EXT2: variants seen among roughly 807,000 people sequenced by gnomAD.
EXT2 encodes exostosin glycosyltransferase 2, also known as exostosin-2.
In EXT2, 53 loss-of-function variants were observed where a neutral mutation model predicts 81.6. That is an observed-to-expected ratio of 0.65 (90% CI 0.52 to 0.82). The LOEUF is 0.82. EXT2 is among the 40% of genes least tolerant of loss of function. EXT2 has a pLI of 0.00. For missense variants in EXT2, 774 were observed against 910.2 expected, an observed-to-expected ratio of 0.85 and a Z score of 1.93; for synonymous variants, 320 against 340.0, an observed-to-expected ratio of 0.94 and a Z score of 0.65.
At chr11:44,215,059 C>T (rs1181533188) in intron 10 of EXT2, among the ~76,000 whole-genome samples, 1 of 152,084 alleles carries the variant, frequency 6.6e-6, no homozygotes, top group Non-Finnish European at 1.5e-5. Context: ...CTGCACCTGG[C>T]CTCAACTTTT....
chr11:44,196,351 C>T (rs910057203), intron 8 of EXT2, among the ~76,000 whole-genome samples: 3 of 152,010 alleles, frequency 2.0e-5, no homozygotes, highest in Non-Finnish European at 2.9e-5. Flanking sequence ...TCTGTTAATC[C>T]TTTGCAATCT....
intron 10 of EXT2, among the ~76,000 whole-genome samples, chr11:44,230,676 C>T (rs956392593): frequency 2.0e-5 from 3 of 152,124 alleles, no homozygotes; most frequent in African/African-American, 7.2e-5. Flanking sequence ...AGCCAGCTAC[C>T]AGAAGCTAGG....
chr11:44,185,107 T>G (rs987190721), intron 8 of EXT2, among the ~76,000 whole-genome samples: 4 of 152,184 alleles, frequency 2.6e-5, no homozygotes, highest in Non-Finnish European at 5.9e-5. Flanking sequence ...TTTCACTGAT[T>G]GTATAGGCCT....
intron 3 of EXT2, among the ~76,000 whole-genome samples, chr11:44,112,458 G>C (rs1954158685): frequency 6.6e-6 from 1 of 152,206 alleles, no homozygotes; most frequent in Admixed American, 6.5e-5. Context: ...TGGGAAAACA[G>C]AATGTGCTGT....
chr11:44,232,433 G>A lies in EXT2; in HGVS notation c.1743G>A (p.Lys581=), dbSNP rs772721212. ...HLWDHEMNKW[K]YESEWTNEVS... is the part of the protein sequence containing the mutation. ...GGGACCATGAGATGAATAAGTGGAA[G>A]TATGAGTCTGAGTGGACGAATGAAG... Residue 581 remains lysine, a synonymous_variant, in exon 11 of 14, where the codon AAG becomes AAA. Transcript: ENST00000533608. 18 of 1,614,120 alleles carry A rather than the reference G, an allele frequency of 1.1e-5. No homozygotes were observed. The highest frequency in any genetic ancestry group is 1.4e-5 in the Non-Finnish European group (17 of 1,179,990).
chr11:44,167,470 C>T (rs1955010460), intron 7 of EXT2, among the ~76,000 whole-genome samples: 5 of 152,188 alleles, frequency 3.3e-5, no homozygotes, highest in Admixed American at 2.6e-4. Flanking sequence ...AAAGACCACA[C>T]TTTAAGCATA....
intron 10 of EXT2, among the ~76,000 whole-genome samples, chr11:44,216,007 G>C (rs1464152643): frequency 6.6e-6 from 1 of 151,986 alleles, no homozygotes; most frequent in Non-Finnish European, 1.5e-5. Flanking sequence ...CTCCCGAGTA[G>C]CTGGGACTAC....
intron 1 of EXT2, among the ~76,000 whole-genome samples, chr11:44,101,182 G>C (rs918835989): frequency 3.9e-5 from 6 of 152,216 alleles, no homozygotes; most frequent in Non-Finnish European, 5.9e-5. Context: ...AGCTGGAGAG[G>C]AGAGAACCTG....
Position 44,130,147 on chromosome 11 carries a change from C to T in EXT2, c.1173+9C>T, listed in dbSNP as rs778639409. 12 of 1,611,306 alleles carry T rather than the reference C, an allele frequency of 7.4e-6. No individual in the cohort carries two copies. The highest frequency in any genetic ancestry group is 1.0e-5 in the Non-Finnish European group (12 of 1,177,640). ...AAGAAATGCAGAGACAGGTAAGAGG[C>T]CAAGTCTTGGGGAGGTGACATGGGT... On this transcript the variant is annotated intron_variant, in intron 7 of 13. Transcript: ENST00000533608.
chr11:44,109,970 C>A (rs1954119825), intron 3 of EXT2, among the ~76,000 whole-genome samples: 1 of 152,110 alleles, frequency 6.6e-6, no homozygotes, highest in Non-Finnish European at 1.5e-5. Flanking sequence ...TAAGGGACCT[C>A]TCTTAGTGCT....
chr11:44,183,456 G>C (rs1232008847), intron 8 of EXT2, among the ~76,000 whole-genome samples: 1 of 152,086 alleles, frequency 6.6e-6, no homozygotes, highest in Non-Finnish European at 1.5e-5. Context: ...CCTGAAGATT[G>C]TTGAGTTTAA....
chr11:44,176,385 G>T (rs1168912996), intron 8 of EXT2, among the ~76,000 whole-genome samples: 1 of 152,166 alleles, frequency 6.6e-6, no homozygotes, highest in East Asian at 1.9e-4. Flanking sequence ...AATGGTCAAA[G>T]TGCTAAACTC....
intron 1 of EXT2, among the ~76,000 whole-genome samples, chr11:44,098,717 G>T (rs1308421249): frequency 6.6e-6 from 1 of 151,290 alleles, no homozygotes; most frequent in Non-Finnish European, 1.5e-5. Flanking sequence ...AAAAAAGCAG[G>T]GGTGGGGAAA....
At chr11:44,096,390 G>T in intron 1 of EXT2, 2 of 1,451,526 alleles carry the variant, frequency 1.4e-6, no homozygotes, top group Non-Finnish European at 1.9e-6. Context: ...GCCGGGGACT[G>T]GGTGACCGGG....
chr11:44,219,735 A>T (rs1300144581), intron 10 of EXT2, among the ~76,000 whole-genome samples: 1 of 152,220 alleles, frequency 6.6e-6, no homozygotes, highest in East Asian at 1.9e-4. Context: ...GGGTTCTAGG[A>T]AAGGCTCACC....
At chr11:44,234,389 G>T in intron 12 of EXT2, 146 bp downstream of exon 12, 1 of 794,272 alleles carries the variant, frequency 1.3e-6, no homozygotes, top group South Asian at 1.6e-5. Context: ...GATTGATGCG[G>T]TCACATTGGG....
At chr11:44,099,859 T>G (rs1953957097) in intron 1 of EXT2, among the ~76,000 whole-genome samples, 1 of 152,208 alleles carries the variant, frequency 6.6e-6, no homozygotes, top group South Asian at 2.1e-4. Context: ...CTTTTCTCAT[T>G]CTTTCCCTCT....
chr11:44,107,965 T>G lies in EXT2; in HGVS notation c.253T>G (p.Cys85Gly), dbSNP rs778594219. Residue 85 changes from cysteine (C) to glycine (G), a missense_variant, in exon 2 of 14, where the codon TGC (cysteine) becomes GGC (glycine). Cys to Gly is a radical substitution (Grantham distance 159, BLOSUM62 -3). Coordinates refer to ENST00000533608, the MANE Select transcript of EXT2 (RefSeq NM_207122.2). ...SPIPERGDLS[C>G]RMHTCFDVYR... ...CATCCCAGAGCGGGGGGATCTCAGT[T>G]GCAGAATGCACACGTGTTTTGATGT... is the stretch of plus-strand genomic sequence containing the variant. The G allele has an allele frequency of 6.2e-7, 1 of 1,614,246 alleles. No individual in the cohort carries two copies. The highest frequency in any genetic ancestry group is 8.5e-7 in the Non-Finnish European group (1 of 1,180,046).
intron 10 of EXT2, among the ~76,000 whole-genome samples, chr11:44,217,634 G>A (rs1321517200): frequency 6.6e-6 from 1 of 152,106 alleles, no homozygotes; most frequent in Non-Finnish European, 1.5e-5. Context: ...TCATTTGCGA[G>A]GGACTCCTAG....
Sources: allele counts gnomAD v4.1 joint callset (sites outside exome capture counted in the v4.1 genomes callset), GRCh38; gene constraint gnomAD v4.1.1; transcripts MANE v1.5; gene names NCBI Gene and HGNC (gene_info 2026-07-23, HGNC 2026-07-21).